The following UGT1A4 variants were observed in gnomAD, a reference collection of about 807,000 sequenced individuals.
UGT1A4 encodes the protein UDP glucuronosyltransferase family 1 member A4, also known as UDP-glucuronosyltransferase 1A4.
In UGT1A4, 32 loss-of-function variants were observed where a neutral mutation model predicts 41.1. That is an observed-to-expected ratio of 0.78 (90% CI 0.59 to 1.05). The LOEUF (loss-of-function observed/expected upper bound fraction) is 1.05. Ranked by LOEUF, UGT1A4 falls within the 50% of genes least tolerant of loss-of-function variation. The pLI, the probability that UGT1A4 is intolerant of heterozygous loss-of-function variation, is 0.00. For synonymous variants in UGT1A4, 283 were observed against 265.1 expected, an observed-to-expected ratio of 1.07 and a Z score of -0.66; for missense variants, 748 against 677.4, an observed-to-expected ratio of 1.10 and a Z score of -1.16.
intron 1 of UGT1A4, among the ~76,000 whole-genome samples, chr2:233,745,202 AGAT>A (rs1693037434): frequency 6.6e-6 from 1 of 151,858 alleles, no homozygotes; most frequent in Admixed American, 6.5e-5. Flanking sequence ...ACAACCAGGG[AGAT>A]CCTCTCAGAC....
intron 1 of UGT1A4, chr2:233,741,756 G>A (rs1189560156): frequency 1.3e-5 from 2 of 151,848 alleles, no homozygotes; most frequent in Non-Finnish European, 2.9e-5. Context: ...GTTGGTTAAT[G>A]ATGTGTTCAG....
At chr2:233,760,916 T>G (rs1345834782) in intron 1 of UGT1A4, 6 of 1,614,048 alleles carry the variant, frequency 3.7e-6, no homozygotes, top group African/African-American at 2.7e-5. Flanking sequence ...CTGCAGCGGG[T>G]GAAGAACATG....
chr2:233,727,891 C>T (rs1001940161), intron 1 of UGT1A4, among the ~76,000 whole-genome samples: 27 of 152,186 alleles, frequency 1.8e-4, no homozygotes, highest in East Asian at 1.7e-3. Flanking sequence ...ATGGCAGACA[C>T]GGCCAGGCAA....
intron 1 of UGT1A4, among the ~76,000 whole-genome samples, chr2:233,765,933 G>C (rs1285596589): frequency 2.6e-5 from 4 of 152,108 alleles, no homozygotes; most frequent in African/African-American, 9.7e-5. Flanking sequence ...CGGGCAGGTT[G>C]TGGGGCTCTG....
At chr2:233,766,404 G>T (rs990056235) in intron 1 of UGT1A4, among the ~76,000 whole-genome samples, 1 of 152,164 alleles carries the variant, frequency 6.6e-6, no homozygotes. Flanking sequence ...GCGTCCCTCC[G>T]CTGATGTGCT....
intron 1 of UGT1A4, among the ~76,000 whole-genome samples, chr2:233,738,578 G>A (rs893369002): frequency 6.6e-6 from 1 of 152,224 alleles, no homozygotes; most frequent in African/African-American, 2.4e-5. Context: ...GAGAACTGGA[G>A]CAAAGGTCAC....
intron 2 of UGT1A4, 73 bp from the exon 3 acceptor site, chr2:233,767,776 G>A: frequency 1.2e-6 from 2 of 1,612,490 alleles, no homozygotes; most frequent in Admixed American, 1.7e-5. Context: ...CTGTTTTCTA[G>A]TTAGTATAGC....
intron 1 of UGT1A4, among the ~76,000 whole-genome samples, chr2:233,727,911 G>A (rs1410482516): frequency 1.3e-5 from 2 of 152,196 alleles, no homozygotes; most frequent in Non-Finnish European, 2.9e-5. Context: ...AGAAGACACA[G>A]GGGCAGTGAG....
rs1430980091 is a variant in UGT1A4 at position 233,768,314 on chromosome 2, G to A, written c.1182G>A (p.Leu394=). ...CNGVPMVMMP[L]FGDQMDNAKR... is the part of the protein sequence containing the mutation. ...GCGTTCCCATGGTGATGATGCCCTTGTTTGGTGATCAGATGGACAATGCAA... is the reference window on the plus strand; with the variant it reads ...GCGTTCCCATGGTGATGATGCCCTTATTTGGTGATCAGATGGACAATGCAA... The change falls in exon 4 of 5, where the codon TTG becomes TTA. Residue 394 remains leucine (L), a synonymous_variant. Transcript: ENST00000373409. 1.9e-5 allele frequency: 31 copies of A among 1,614,180 alleles called. No homozygotes were observed. Among genetic ancestry groups the A allele is most frequent in the Non-Finnish European group, 2.6e-5 (31 of 1,180,040 alleles).
chr2:233,768,575 AT>A (rs1699646969), intron 4 of UGT1A4, 136 bp downstream of exon 4: 6 of 1,110,618 alleles, frequency 5.4e-6, no homozygotes, highest in Non-Finnish European at 7.1e-6. Flanking sequence ...CTGGATTTTT[AT>A]TTCTTCTTTT....
At chr2:233,760,618 A>C (rs558023429) in intron 1 of UGT1A4, 1 of 1,614,234 alleles carries the variant, frequency 6.2e-7, no homozygotes, top group Non-Finnish European at 8.5e-7. Context: ...GCGTGTGATC[A>C]AAACATACAA....
At chr2:233,761,243 G>A (rs1268898166) in intron 1 of UGT1A4, 4 of 1,611,300 alleles carry the variant, frequency 2.5e-6, no homozygotes, top group Non-Finnish European at 3.4e-6. Flanking sequence ...TGCTGAGCAA[G>A]CATTCTGAGA....
intron 1 of UGT1A4, among the ~76,000 whole-genome samples, chr2:233,762,832 A>C (rs1698176538): frequency 6.6e-6 from 1 of 152,202 alleles, no homozygotes; most frequent in Admixed American, 6.5e-5. Flanking sequence ...CATAATAAAA[A>C]ATAATAGGCA....
intron 1 of UGT1A4, among the ~76,000 whole-genome samples, chr2:233,756,852 C>T (rs11568318): frequency 6.6e-5 from 10 of 152,088 alleles, no homozygotes; most frequent in East Asian, 1.9e-4. Flanking sequence ...AACATTCTAA[C>T]GGTTCATAAA....
chr2:233,720,530 C>T (rs753695655), intron 1 of UGT1A4, among the ~76,000 whole-genome samples: 4 of 152,090 alleles, frequency 2.6e-5, no homozygotes, highest in Non-Finnish European at 5.9e-5. Context: ...TCACCAAACT[C>T]ACCCTATCCC....
chr2:233,729,188 G>A, intron 1 of UGT1A4: 4 of 1,613,988 alleles, frequency 2.5e-6, no homozygotes, highest in Non-Finnish European at 3.4e-6. Context: ...CTTCTCCTCA[G>A]TGTCCAGCCC....
At chr2:233,750,254 C>A (rs1056169582) in intron 1 of UGT1A4, among the ~76,000 whole-genome samples, 6 of 152,046 alleles carry the variant, frequency 3.9e-5, no homozygotes, top group African/African-American at 1.5e-4. Flanking sequence ...ACAAAGGTCA[C>A]CCTTGCTATG....
At chr2:233,743,741 G>T (rs374389189) in intron 1 of UGT1A4, 6 of 1,367,230 alleles carry the variant, frequency 4.4e-6, no homozygotes, top group Non-Finnish European at 4.9e-6. Flanking sequence ...GCGTTTCTTG[G>T]CGTCCGACAA....
rs373107890 is a variant in UGT1A4 at position 233,743,700 on chromosome 2, C to T, written c.868-23334C>T. On this transcript the variant is annotated intron_variant, in intron 1 of 4. Transcript: ENST00000373409. ...CTGCCGCCTGTGCAGCCGCCCTCCG[C>T]CCCCGCCTCGCCATAGCGGTCATAG... is the stretch of plus-strand genomic sequence containing the variant. 182 of 1,367,322 alleles carry T rather than the reference C, an allele frequency of 1.3e-4. 1 individual carries two copies. The highest frequency in any genetic ancestry group is 1.8e-4 in the Non-Finnish European group (179 of 1,021,848). 84.7% of individuals were successfully genotyped at this position (1,367,322 alleles called of 1,614,324 possible).
Sources: allele counts gnomAD v4.1 joint callset (sites outside exome capture counted in the v4.1 genomes callset), GRCh38; gene constraint gnomAD v4.1.1; transcripts MANE v1.5; gene names NCBI Gene and HGNC (gene_info 2026-07-23, HGNC 2026-07-21).